CD82: variants seen among roughly 807,000 people sequenced by gnomAD.
The protein encoded by CD82 is CD82 molecule, also known as CD82 antigen.
Under a neutral mutation model 37.4 loss-of-function variants are expected in CD82, and 36 were observed. The ratio of observed to expected loss-of-function variants is 0.96; its 90% CI spans 0.74 to 1.27. CD82 has a LOEUF of 1.27. Among genes scored for constraint, CD82 ranks in the 50% most tolerant of loss-of-function variants. The probability of loss-of-function intolerance (pLI) is 0.00; values close to 1 mark genes in which losing one functional copy is unlikely to be tolerated. For missense variants in CD82, 340 were observed against 347.0 expected (o/e 0.98, Z 0.16); for synonymous variants, 158 against 137.4 (o/e 1.15, Z -1.05).
chr11:44,604,708 T>C, intron 4 of CD82: 1 of 347,020 alleles, frequency 2.9e-6, no homozygotes, highest in Non-Finnish European at 5.5e-6. Context: ...AAGTGAAGCT[T>C]CTGCCCTCAT....
intron 1 of CD82, among the ~76,000 whole-genome samples, chr11:44,575,901 A>G (rs1852884315): frequency 6.6e-6 from 1 of 152,234 alleles, no homozygotes; most frequent in Non-Finnish European, 1.5e-5. Flanking sequence ...GGATGTTGAA[A>G]GTAGGAGGGC....
In CD82 at chr11:44,619,043, C is replaced by T. The variant is rs1853615071; in HGVS notation, c.727-6C>T. ...CCTCCCTCTGACTCTCCGCCTCTCC[C>T]CACAGCTCCTGGGGATGGTCCTGTC... is the stretch of plus-strand genomic sequence containing the variant. On this transcript the variant is annotated splice_polypyrimidine_tract_variant and splice_region_variant and intron_variant, in intron 9 of 9. Transcript: ENST00000227155. 4.3e-6 allele frequency: 7 copies of T among 1,613,436 alleles called. No homozygotes were observed. Among genetic ancestry groups the T allele is most frequent in the African/African-American group, 1.3e-5 (1 of 74,902 alleles).
chr11:44,578,327 G>A (rs1852928970), intron 1 of CD82, among the ~76,000 whole-genome samples: 1 of 152,170 alleles, frequency 6.6e-6, no homozygotes, highest in African/African-American at 2.4e-5. Flanking sequence ...AGAGAGCCAG[G>A]GAGCCAGCCC....
intron 1 of CD82, among the ~76,000 whole-genome samples, chr11:44,583,963 C>T (rs1853017319): frequency 1.3e-5 from 2 of 152,158 alleles, no homozygotes; most frequent in Admixed American, 6.5e-5. Flanking sequence ...GGGACTCTTC[C>T]TTAATCTCTA....
At chr11:44,603,833 C>T (rs1465443749) in intron 4 of CD82, among the ~76,000 whole-genome samples, 1 of 152,206 alleles carries the variant, frequency 6.6e-6, no homozygotes, top group Non-Finnish European at 1.5e-5. Flanking sequence ...TCTTAGCCAT[C>T]AGGCCCATTC....
At chr11:44,585,951 T>C (rs142185538) in intron 1 of CD82, among the ~76,000 whole-genome samples, 48 of 152,272 alleles carry the variant, frequency 3.2e-4, no homozygotes, top group African/African-American at 1.1e-3. Context: ...GGTTGAAAGA[T>C]GGTGCAGGGA....
Position 44,571,731 on chromosome 11 carries a change from C to G in CD82, c.-103+5995C>G, listed in dbSNP as rs187690144. Among the ~76,000 whole-genome samples the G allele has an allele frequency of 1.5e-4, 23 of 152,244 alleles. No individual in the cohort carries two copies. The East Asian group carries it at 4.1e-3, about 27-fold the overall frequency. ...CTGGAATTTCAGGCATGCACCACCA[C>G]ACCAGGCTAATTTTTGTATTTTTAG... On this transcript the variant is annotated intron_variant, in intron 1 of 9. Transcript: ENST00000227155.
At chr11:44,571,107 C>T (rs1852808360) in intron 1 of CD82, among the ~76,000 whole-genome samples, 1 of 152,174 alleles carries the variant, frequency 6.6e-6, no homozygotes, top group South Asian at 2.1e-4. Flanking sequence ...CCTTGGCTCT[C>T]AGTGTCAATG....
At chr11:44,615,475 G>A (rs1172189326) in intron 7 of CD82, 102 bp downstream of exon 7, 1 of 737,988 alleles carries the variant, frequency 1.4e-6, no homozygotes, top group Non-Finnish European at 2.4e-6. Context: ...CAGTGCTCGT[G>A]TGTGCCTGAC....
chr11:44,619,208 G>C lies in CD82; in HGVS notation c.*82G>C. The C allele has an allele frequency of 2.7e-6, 3 of 1,110,490 alleles. No homozygotes were observed. The South Asian group carries it at 3.7e-5, about 14-fold the overall frequency. 68.8% of individuals were successfully genotyped at this position (1,110,490 alleles called of 1,614,324 possible). A position where few individuals can be genotyped will look rare whatever the true frequency, so the allele number is the denominator to read the frequency against. ...CTCCCTGGCTCCCTCCTCCAGGCCT[G>C]CCTCCCACTTCACTGCGAAGACCCT... On this transcript the variant is annotated 3_prime_UTR_variant, in exon 10 of 10. Transcript: ENST00000227155.
intron 9 of CD82, 52 bp downstream of exon 9, chr11:44,618,775 C>T: frequency 1.4e-6 from 2 of 1,475,290 alleles, no homozygotes; most frequent in Non-Finnish European, 9.4e-7. Flanking sequence ...CCTGGGTTGT[C>T]TCTGTTCTGC....
chr11:44,605,302 G>A, intron 5 of CD82, 53 bp from the exon 6 acceptor site: 1 of 1,612,374 alleles, frequency 6.2e-7, no homozygotes, highest in Non-Finnish European at 8.5e-7. Flanking sequence ...CGCAGGCTGG[G>A]TGCACCTGGT....
intron 6 of CD82, among the ~76,000 whole-genome samples, chr11:44,612,188 G>A (rs1365327289): frequency 6.6e-6 from 1 of 152,182 alleles, no homozygotes; most frequent in African/African-American, 2.4e-5. Flanking sequence ...GTTAAAACTG[G>A]GTATAGCCGT....
Position 44,618,239 on chromosome 11 carries a change from C to A in CD82, c.516C>A (p.Tyr172Ter), listed in dbSNP as rs1165811219. The change falls in exon 8 of 10, where the codon TAC becomes TAA. Residue 172 changes from tyrosine to a stop codon, truncating the protein, a stop_gained. Coordinates refer to ENST00000227155, the MANE Select transcript of CD82 (RefSeq NM_002231.4). LOFTEE classifies it high-confidence loss of function. ...AELMNRPEVT[Y>*]PCSCEVKGEE... ...TCATGAATCGCCCTGAGGTCACCTA[C>A]CCCTGTTCCTGCGAAGTCAAGGGGG... is the stretch of plus-strand genomic sequence containing the variant. 6.2e-7 allele frequency: 1 copy of A among 1,614,134 alleles called. No homozygotes were observed. The highest frequency in any genetic ancestry group is 1.1e-5 in the South Asian group (1 of 91,090).
intron 6 of CD82, among the ~76,000 whole-genome samples, chr11:44,614,663 G>T (rs1434739153): frequency 6.6e-6 from 1 of 152,172 alleles, no homozygotes; most frequent in Non-Finnish European, 1.5e-5. Flanking sequence ...GCCGGGGAGG[G>T]GTGGTTGATT....
Position 44,597,482 on chromosome 11 carries a change from A to G in CD82, c.64-2676A>G, listed in dbSNP as rs1360896533. Among the ~76,000 whole-genome samples, 9 of 152,368 alleles carry G rather than the reference A, an allele frequency of 5.9e-5. No homozygotes were observed. In the South Asian group the frequency reaches 1.9e-3, roughly 32 times the overall value. Reference sequence around the variant, plus strand: ...GCCCAGCCTCCTTTCTGGCTCTGCCACAGCCCCGTGGCTAATCCAGCCACA... The same window carrying G: ...GCCCAGCCTCCTTTCTGGCTCTGCCGCAGCCCCGTGGCTAATCCAGCCACA... On this transcript the variant is annotated intron_variant, in intron 3 of 9. Coordinates refer to ENST00000227155, the MANE Select transcript of CD82 (RefSeq NM_002231.4). This position sits in a 1 kb window ranked among gnomAD's most constrained non-coding sequence, Gnocchi z 4.1.
chr11:44,574,606 GT>G (rs1051539967), intron 1 of CD82, among the ~76,000 whole-genome samples: 2 of 152,116 alleles, frequency 1.3e-5, no homozygotes, highest in South Asian at 2.1e-4. Flanking sequence ...AAGAAAGAGG[GT>G]TTTTTTTGTG....
chr11:44,591,019 C>T (rs528473892), intron 2 of CD82, among the ~76,000 whole-genome samples: 2 of 152,394 alleles, frequency 1.3e-5, no homozygotes, highest in Non-Finnish European at 2.9e-5. Flanking sequence ...GAAGCATCTG[C>T]ACTTGCAGGG....
At chr11:44,596,021 C>T (rs748811341) in intron 3 of CD82, among the ~76,000 whole-genome samples, 12 of 152,260 alleles carry the variant, frequency 7.9e-5, no homozygotes, top group African/African-American at 2.4e-4. Context: ...TGTTCATACA[C>T]GCATGCACAC....
Sources: allele counts gnomAD v4.1 joint callset (sites outside exome capture counted in the v4.1 genomes callset), GRCh38; gene constraint gnomAD v4.1.1; non-coding constraint Gnocchi (gnomAD v3.1); transcripts MANE v1.5; gene names NCBI Gene and HGNC (gene_info 2026-07-23, HGNC 2026-07-21).